The following TTC39C variants were observed in gnomAD, a reference collection of about 807,000 sequenced individuals.
The protein encoded by TTC39C is tetratricopeptide repeat protein 39C.
A neutral mutation model predicts 76.3 loss-of-function variants in TTC39C; 33 were observed. The ratio of observed to expected loss-of-function variants is 0.43; its 90% CI spans 0.33 to 0.58. The LOEUF (loss-of-function observed/expected upper bound fraction) is 0.58, where lower values mean the gene tolerates loss of function less well. TTC39C is among the 20% of genes least tolerant of loss of function. TTC39C has a pLI of 0.04. For missense variants in TTC39C, 595 were observed against 701.4 expected, an observed-to-expected ratio of 0.85 and a Z score of 1.71; for synonymous variants, 254 against 260.6, an observed-to-expected ratio of 0.97 and a Z score of 0.24.
At position 24,085,715 on chromosome 18, in the gene TTC39C, T is replaced by C. The variant is rs114730263; in HGVS notation, c.984+2634T>C. Among the ~76,000 whole-genome samples the C allele has an allele frequency of 4.3e-3, 652 of 152,330 alleles. 9 individuals carry two copies. The highest frequency in any genetic ancestry group is 0.015 in the African/African-American group (623 of 41,558). ...TGCAGAGGGTAGGTGCTAGAACTCC[T>C]TCACAGTTAAGCGGCACTTAACACA... On this transcript the variant is annotated intron_variant, in intron 6 of 13. Transcript: ENST00000317571.
intron 1 of TTC39C, chr18:24,022,643 A>G (rs777821217): frequency 2.0e-6 from 2 of 985,398 alleles, no homozygotes; most frequent in Non-Finnish European, 1.2e-6. Context: ...GAAGCTATCC[A>G]TCAAACCCCC....
At chr18:24,042,047 C>A (rs1022031409) in intron 1 of TTC39C, among the ~76,000 whole-genome samples, 4 of 152,006 alleles carry the variant, frequency 2.6e-5, no homozygotes, top group Non-Finnish European at 4.4e-5. Flanking sequence ...TGATAAATAT[C>A]CTTTGCAGTT....
At chr18:24,074,212 T>C (rs1431847500) in intron 4 of TTC39C, among the ~76,000 whole-genome samples, 2 of 152,230 alleles carry the variant, frequency 1.3e-5, no homozygotes, top group African/African-American at 4.8e-5. Flanking sequence ...TTTGGGAAGA[T>C]CAAGGATCCC....
intron 10 of TTC39C, among the ~76,000 whole-genome samples, chr18:24,127,694 A>T (rs185027528): frequency 6.6e-6 from 1 of 151,990 alleles, no homozygotes; most frequent in Non-Finnish European, 1.5e-5. Context: ...TTAAAAAAAA[A>T]TTGTAGAGAT....
intron 6 of TTC39C, among the ~76,000 whole-genome samples, chr18:24,095,397 A>G (rs1474004197): frequency 6.6e-6 from 1 of 152,186 alleles, no homozygotes; most frequent in Non-Finnish European, 1.5e-5. Context: ...AGCACTTGTA[A>G]TTTCTTTCAA....
chr18:24,074,267 T>C (rs1029314582), intron 4 of TTC39C, among the ~76,000 whole-genome samples: 7 of 152,350 alleles, frequency 4.6e-5, no homozygotes, highest in Middle Eastern at 3.4e-3. Flanking sequence ...CGTTTCCTTC[T>C]CTGTGTCCTT....
At chr18:24,074,817 T>G (rs546534787) in intron 4 of TTC39C, among the ~76,000 whole-genome samples, 21 of 152,264 alleles carry the variant, frequency 1.4e-4, no homozygotes, top group African/African-American at 5.1e-4. Context: ...ACCCAGAGGA[T>G]TATAAATCAT....
At chr18:24,119,082 A>G (rs570240505) in intron 8 of TTC39C, among the ~76,000 whole-genome samples, 1 of 151,340 alleles carries the variant, frequency 6.6e-6, no homozygotes, top group South Asian at 2.1e-4. Context: ...GATGCAAGGT[A>G]TTTACATTGC....
chr18:24,128,808 T>G, intron 10 of TTC39C, 78 bp from the exon 11 acceptor site: 2 of 1,151,488 alleles, frequency 1.7e-6, no homozygotes, highest in East Asian at 5.0e-5. Flanking sequence ...CTGAAACATT[T>G]ACCTCACTCT....
At chr18:24,111,960 A>G (rs368936453) in intron 6 of TTC39C, among the ~76,000 whole-genome samples, 8 of 152,088 alleles carry the variant, frequency 5.3e-5, no homozygotes, top group African/African-American at 1.7e-4. Flanking sequence ...ATTTATTTCA[A>G]CTGTGTTAAT....
chr18:24,011,483 G>A (rs2145635107), upstream of TTC39C, among the ~76,000 whole-genome samples: 1 of 152,316 alleles, frequency 6.6e-6, no homozygotes, highest in Non-Finnish European at 1.5e-5. Context: ...AAACACCAAA[G>A]TGGCAAAGCT....
rs1252381241 is a variant in TTC39C at position 24,082,974 on chromosome 18, A to G, written c.877A>G (p.Asn293Asp). ...RPFFALDGSD[N>D]KAGLDEAKEI... ...GTTTTTTGCCTTGGATGGCAGTGAT[A>G]ACAAGGCAGGCCTGGATGAAGCTAA... is the stretch of plus-strand genomic sequence containing the variant. The change falls in exon 6 of 14, where the codon AAC becomes GAC. Residue 293 changes from asparagine (N) to aspartate (D), a missense_variant. By Grantham distance (23) the Asn-to-Asp change is conservative (BLOSUM62 1). Transcript: ENST00000317571. 2 of 1,614,120 alleles carry G rather than the reference A, an allele frequency of 1.2e-6. No individual in the cohort carries two copies. Among genetic ancestry groups the G allele is most frequent in the African/African-American group, 2.7e-5 (2 of 75,038 alleles).
At chr18:24,020,496 T>C (rs1442576237) in intron 1 of TTC39C, among the ~76,000 whole-genome samples, 1 of 152,186 alleles carries the variant, frequency 6.6e-6, no homozygotes, top group Non-Finnish European at 1.5e-5. Context: ...TAGTTATCCC[T>C]CAGTATTCAT....
chr18:24,036,789 A>C (rs1388935555), intron 1 of TTC39C, among the ~76,000 whole-genome samples: 1 of 151,896 alleles, frequency 6.6e-6, no homozygotes, highest in Non-Finnish European at 1.5e-5. Flanking sequence ...GTGCCACTAC[A>C]CCTGGCTAAT....
At chr18:24,088,830 A>G (rs550270016) in intron 6 of TTC39C, among the ~76,000 whole-genome samples, 32 of 152,114 alleles carry the variant, frequency 2.1e-4, no homozygotes, top group Non-Finnish European at 3.7e-4. Context: ...TCAATTCCCT[A>G]CGAAGCTCTG....
chr18:24,047,990 C>T (rs2083906599), intron 1 of TTC39C, among the ~76,000 whole-genome samples: 1 of 152,042 alleles, frequency 6.6e-6, no homozygotes, highest in Admixed American at 6.6e-5. Flanking sequence ...GGAACACTGT[C>T]TTATTCATTT....
chr18:24,053,344 A>G (rs1407564195), intron 1 of TTC39C, among the ~76,000 whole-genome samples: 2 of 152,200 alleles, frequency 1.3e-5, no homozygotes, highest in African/African-American at 4.8e-5. Flanking sequence ...CCATTGAATG[A>G]ATGCCACGTG....
intron 5 of TTC39C, among the ~76,000 whole-genome samples, chr18:24,082,015 GTTTT>G (rs35218868): frequency 2.5e-5 from 3 of 120,792 alleles, no homozygotes; most frequent in African/African-American, 6.3e-5. Context: ...TCTGGCTGTT[GTTTT>G]TTTTTTTTTT....
Position 24,128,897 on chromosome 18 carries a change from G to T in TTC39C, c.1432G>T (p.Val478Leu), listed in dbSNP as rs2085085251. The T allele has an allele frequency of 6.2e-7, 1 of 1,613,228 alleles. No homozygotes were observed. Among genetic ancestry groups the T allele is most frequent in the Non-Finnish European group, 8.5e-7 (1 of 1,179,720 alleles). The change falls in exon 11 of 14, where the codon GTG becomes TTG. Residue 478 changes from valine to leucine, a missense_variant. Coordinates refer to ENST00000317571, the MANE Select transcript of TTC39C (RefSeq NM_001135993.2). ...CCCTTCTTTTTAAGCTTGCCATGAA[G>T]TGGATGACTCATCTGTTGTTGGATT... ...LQRMSQACHE[V>L]DDSSVVGLKY...
Sources: gnomAD v4.1 joint callset for allele counts (sites outside exome capture counted in the v4.1 genomes callset) on GRCh38, gnomAD v4.1.1 for gene constraint, MANE v1.5 for transcripts, NCBI Gene and HGNC (gene_info 2026-07-23, HGNC 2026-07-21) for gene names.